TBC1D1: variants seen among roughly 807,000 people sequenced by gnomAD.
TBC1D1 encodes the protein TBC1 domain family member 1.
A neutral mutation model predicts 125.6 loss-of-function variants in TBC1D1; 89 were observed. That is an observed-to-expected ratio of 0.71 (90% CI 0.60 to 0.85). The LOEUF (loss-of-function observed/expected upper bound fraction) is 0.85, where lower values mean the gene tolerates loss of function less well. Among genes scored for constraint, TBC1D1 ranks in the 40% least tolerant of loss-of-function variants. The pLI is 0.00. For synonymous variants in TBC1D1, 565 were observed against 564.1 expected (o/e 1.00, Z -0.02); for missense variants, 1,377 against 1,469.2 (o/e 0.94, Z 1.03).
chr4:38,006,436 A>G (rs1425166856), intron 2 of TBC1D1, among the ~76,000 whole-genome samples: 1 of 151,766 alleles, frequency 6.6e-6, no homozygotes, highest in African/African-American at 2.4e-5. Context: ...TCTCTCTGCC[A>G]CAGAGGAAGA....
At position 37,912,718 on chromosome 4, in the gene TBC1D1, CCTT is replaced by C. The variant is rs1194672361; in HGVS notation, c.417+10212_417+10214del. Among the ~76,000 whole-genome samples the C allele has an allele frequency of 2.6e-5, 4 of 152,228 alleles. No individual in the cohort carries two copies. In the East Asian group the frequency reaches 7.7e-4, roughly 29 times the overall value. On this transcript the variant is annotated intron_variant, in intron 2 of 19. Transcript: ENST00000261439. ...TCATGAAACATATTAAGCCCTGCTT[CCTT>C]CTTCTACTATGTGAGGATGCAGCAA...
intron 11 of TBC1D1, 94 bp downstream of exon 13, chr4:38,053,319 TA>T: frequency 9.5e-7 from 1 of 1,053,062 alleles, no homozygotes. Context: ...TTTTGCCATT[TA>T]AAAAATCATT....
intron 16 of TBC1D1, among the ~76,000 whole-genome samples, chr4:38,116,926 T>C (rs1763074662): frequency 6.6e-6 from 1 of 152,238 alleles, no homozygotes; most frequent in Non-Finnish European, 1.5e-5. Context: ...CCTTGACCTG[T>C]GAACATGGAC....
chr4:37,961,064 T>C, intron 2 of TBC1D1: 1 of 1,594,308 alleles, frequency 6.3e-7, no homozygotes, highest in East Asian at 2.2e-5. Context: ...TGCTTTGGAG[T>C]TTGTGTGTAC....
In TBC1D1 at chr4:37,977,671, C is replaced by A. The variant is rs1351957866; in HGVS notation, c.418-36838C>A. 5 of 161,880 alleles carry A rather than the reference C, an allele frequency of 3.1e-5. No homozygotes were observed. The South Asian group carries it at 7.1e-4, about 23-fold the overall frequency. 10.0% of individuals were successfully genotyped at this position (161,880 alleles called of 1,614,324 possible). A position where few individuals can be genotyped will look rare whatever the true frequency, so the allele number is the denominator to read the frequency against. ...GGGCGAGCGGCGGGCGCGACCAGGT[C>A]GTTAGCCGCGCGTTTCTCATTCATT... On this transcript the variant is annotated intron_variant, in intron 2 of 19. Coordinates refer to ENST00000261439, the MANE Select transcript of TBC1D1 (RefSeq NM_015173.4). The surrounding 1 kb of genome is among the most constrained non-coding windows in gnomAD (Gnocchi z 4.3).
chr4:37,996,171 C>A, intron 2 of TBC1D1: 1 of 375,890 alleles, frequency 2.7e-6, no homozygotes, highest in East Asian at 7.0e-5. Context: ...GGGTGTGGGC[C>A]TCCCTGCTCA....
chr4:38,119,037 T>A (rs1378637364), intron 17 of TBC1D1, among the ~76,000 whole-genome samples: 1 of 152,152 alleles, frequency 6.6e-6, no homozygotes, highest in African/African-American at 2.4e-5. Context: ...TTTTTGACAA[T>A]TCAGGTTCTT....
chr4:38,133,250 A>G lies in TBC1D1; in HGVS notation c.3299A>G (p.Gln1100Arg), dbSNP rs1161349557. The change falls in exon 19 of 20, where the codon CAG (glutamine) becomes CGG (arginine). Residue 1100 changes from glutamine (Q) to arginine (R), a missense_variant. Coordinates refer to ENST00000261439, the MANE Select transcript of TBC1D1 (RefSeq NM_015173.4). ...AAACAGAACCTTGACCTCCTTGAAC[A>G]GTTGCAGGTAGAGCATATTTATAAA... The G allele has an allele frequency of 6.2e-7, 1 of 1,611,936 alleles. No individual in the cohort carries two copies. Among genetic ancestry groups the G allele is most frequent in the Non-Finnish European group, 8.5e-7 (1 of 1,179,350 alleles).
At position 37,909,256 on chromosome 4, in the gene TBC1D1, T is replaced by G. The variant is rs994359258; in HGVS notation, c.417+6744T>G. On this transcript the variant is annotated intron_variant, in intron 2 of 19. Coordinates refer to ENST00000261439, the MANE Select transcript of TBC1D1 (RefSeq NM_015173.4). ...AACAAGAAGGCAGTCTGAAGCTGTT[T>G]TCTTGTGATTAGCAGGAGTCCATCC... is the stretch of plus-strand genomic sequence containing the variant. Among the ~76,000 whole-genome samples, 10 of 152,332 alleles carry G rather than the reference T, an allele frequency of 6.6e-5. No homozygotes were observed. The East Asian group carries it at 1.7e-3, about 26-fold the overall frequency.
At chr4:37,911,570 C>T (rs17425069) in intron 2 of TBC1D1, among the ~76,000 whole-genome samples, 489 of 152,280 alleles carry the variant, frequency 3.2e-3, no homozygotes, top group Non-Finnish European at 5.9e-3. Context: ...GGGACCCTTT[C>T]CTGGCCGCTT....
chr4:37,960,658 TA>T, intron 2 of TBC1D1: 2 of 1,614,156 alleles, frequency 1.2e-6, no homozygotes, highest in Non-Finnish European at 1.7e-6. Flanking sequence ...GAAAAGTCAG[TA>T]AAGACCAATG....
chr4:37,894,520 C>T (rs915877987), intron 1 of TBC1D1, among the ~76,000 whole-genome samples: 3 of 152,112 alleles, frequency 2.0e-5, no homozygotes, highest in Non-Finnish European at 4.4e-5. Flanking sequence ...AGATGAGCAA[C>T]AGCTATTTTT....
At chr4:38,052,249 A>T (rs2152482916) in intron 11 of TBC1D1, among the ~76,000 whole-genome samples, 189 bp downstream of exon 12, 1 of 151,388 alleles carries the variant, frequency 6.6e-6, no homozygotes, top group South Asian at 2.1e-4. Flanking sequence ...CTGTCATTTG[A>T]ACCAAGTTAA....
At chr4:38,003,603 C>A (rs558025517) in intron 2 of TBC1D1, among the ~76,000 whole-genome samples, 1 of 152,268 alleles carries the variant, frequency 6.6e-6, no homozygotes, top group Admixed American at 6.5e-5. Context: ...TGTGGTGGCT[C>A]ATACCTATAA....
chr4:37,998,860 G>A (rs561302048), intron 2 of TBC1D1, among the ~76,000 whole-genome samples: 84 of 152,302 alleles, frequency 5.5e-4, no homozygotes, highest in African/African-American at 2.0e-3. Flanking sequence ...TGAAGAGAAG[G>A]TGTCAGAAAT....
chr4:37,899,502 T>C (rs1715372546), intron 1 of TBC1D1, among the ~76,000 whole-genome samples: 1 of 152,078 alleles, frequency 6.6e-6, no homozygotes, highest in South Asian at 2.1e-4. Context: ...CAAGTGCAAA[T>C]TGCCCCCCAT....
At chr4:38,015,198 C>T (rs979042114) in intron 3 of TBC1D1, among the ~76,000 whole-genome samples, 5 of 152,030 alleles carry the variant, frequency 3.3e-5, no homozygotes, top group African/African-American at 1.2e-4. Context: ...TTATCTCACC[C>T]GGTAATTATA....
chr4:38,093,545 A>C (rs1213372310), intron 13 of TBC1D1, among the ~76,000 whole-genome samples: 1 of 138,002 alleles, frequency 7.2e-6, no homozygotes, highest in Non-Finnish European at 1.5e-5. Flanking sequence ...TTTTTTTGAG[A>C]CAGAGTTTTG....
At chr4:37,965,132 A>G (rs2152337502) in intron 2 of TBC1D1, among the ~76,000 whole-genome samples, 1 of 152,338 alleles carries the variant, frequency 6.6e-6, no homozygotes, top group South Asian at 2.1e-4. Flanking sequence ...AATAAGTAAT[A>G]CCTTGCAGCA....
Sources: gnomAD v4.1 joint callset for allele counts (sites outside exome capture counted in the v4.1 genomes callset) on GRCh38, gnomAD v4.1.1 for gene constraint, Gnocchi (gnomAD v3.1) non-coding constraint, MANE v1.5 for transcripts, NCBI Gene and HGNC (gene_info 2026-07-23, HGNC 2026-07-21) for gene names.